AVL9: variants seen among roughly 807,000 people sequenced by gnomAD.
The protein encoded by AVL9 is AVL9 cell migration associated.
Under a neutral mutation model 79.2 loss-of-function variants are expected in AVL9, and 49 were observed. The ratio of observed to expected loss-of-function variants is 0.62; its 90% CI spans 0.49 to 0.79. AVL9 has a LOEUF of 0.79. AVL9 is among the 30% of genes least tolerant of loss of function. The pLI, the probability that AVL9 is intolerant of heterozygous loss-of-function variation, is 0.00. For missense variants in AVL9, 682 were observed against 776.8 expected, an observed-to-expected ratio of 0.88 and a Z score of 1.45; for synonymous variants, 299 against 280.6, an observed-to-expected ratio of 1.07 and a Z score of -0.65.
chr7:32,538,773 G>A (rs946479650), intron 1 of AVL9: 5 of 152,170 alleles, frequency 3.3e-5, no homozygotes, highest in African/African-American at 1.2e-4. Flanking sequence ...CCAGTCAAGG[G>A]ATTTTGTCCA....
chr7:32,576,392 A>G (rs1161980855), intron 13 of AVL9, among the ~76,000 whole-genome samples: 3 of 152,246 alleles, frequency 2.0e-5, no homozygotes, highest in Admixed American at 6.5e-5. Flanking sequence ...GTTCTTTAAC[A>G]GAATGGTTCA....
Position 32,503,280 on chromosome 7 carries a change from A to G in AVL9, c.93+7478A>G, listed in dbSNP as rs550628565. Among the ~76,000 whole-genome samples the G allele has an allele frequency of 2.7e-5, 4 of 149,860 alleles. No individual in the cohort carries two copies. The South Asian group carries it at 8.6e-4, about 32-fold the overall frequency. ...CACTTGAGGCCCGGAGTTCGAGCCC[A>G]GCCTGGCCAACATGGTGAAACCCCC... is the stretch of plus-strand genomic sequence containing the variant. On this transcript the variant is annotated intron_variant, in intron 1 of 15. Transcript: ENST00000318709.
rs1312308135 is a variant in AVL9 at position 32,564,960 on chromosome 7, A to G, written c.1216-5060A>G. Among the ~76,000 whole-genome samples, 4 of 152,328 alleles carry G rather than the reference A, an allele frequency of 2.6e-5. No homozygotes were observed. The East Asian group carries it at 7.7e-4, about 29-fold the overall frequency. On this transcript the variant is annotated intron_variant, in intron 10 of 15. Coordinates refer to ENST00000318709, the MANE Select transcript of AVL9 (RefSeq NM_015060.3). ...TGAAGTGGAATGAGGGAAGTGGAAA[A>G]AAAGATAACGAGGAAGATACAGTAG...
chr7:32,551,907 C>T (rs1189205223), intron 5 of AVL9, among the ~76,000 whole-genome samples: 4 of 151,990 alleles, frequency 2.6e-5, no homozygotes, highest in African/African-American at 9.7e-5. Flanking sequence ...CATCTAGGGA[C>T]TTAGCAAGGG....
chr7:32,580,939 T>C (rs1259914209), intron 15 of AVL9, 49 bp downstream of exon 15: 1 of 1,313,302 alleles, frequency 7.6e-7, no homozygotes, highest in South Asian at 1.2e-5. Flanking sequence ...AACACATCCA[T>C]TTTCTATCTT....
intron 1 of AVL9, among the ~76,000 whole-genome samples, chr7:32,503,088 G>GT (rs1787211970): frequency 6.6e-6 from 1 of 151,788 alleles, no homozygotes; most frequent in South Asian, 2.1e-4. Flanking sequence ...GCTGATAGAT[G>GT]TTTTTTTCAT....
chr7:32,516,606 G>T (rs191781409), intron 1 of AVL9, among the ~76,000 whole-genome samples: 3 of 152,008 alleles, frequency 2.0e-5, no homozygotes, highest in African/African-American at 7.3e-5. Context: ...GTTTTAAAAG[G>T]CTTGTCCAAG....
intron 1 of AVL9, among the ~76,000 whole-genome samples, chr7:32,507,509 T>C (rs779489396): frequency 6.6e-6 from 1 of 152,240 alleles, no homozygotes; most frequent in Non-Finnish European, 1.5e-5. Context: ...ATATTATGTG[T>C]GCTTTTGTGT....
At chr7:32,525,411 G>C (rs1583517979) in intron 1 of AVL9, among the ~76,000 whole-genome samples, 1 of 152,192 alleles carries the variant, frequency 6.6e-6, no homozygotes, top group Non-Finnish European at 1.5e-5. Flanking sequence ...TATAGTCAAT[G>C]AATTCTTGCT....
At position 32,584,012 on chromosome 7, in the gene AVL9, T is replaced by C. The variant is rs755488445; in HGVS notation, c.*105T>C. On this transcript the variant is annotated 3_prime_UTR_variant, in exon 16 of 16. Coordinates refer to ENST00000318709, the MANE Select transcript of AVL9 (RefSeq NM_015060.3). Reference sequence around the variant, plus strand: ...CACAGATCCACAGCAGGGGACCATATGTCGAACTGTTTACATGGATGTTGC... The same window carrying C: ...CACAGATCCACAGCAGGGGACCATACGTCGAACTGTTTACATGGATGTTGC... The C allele has an allele frequency of 3.8e-6, 3 of 796,530 alleles. No homozygotes were observed. Among genetic ancestry groups the C allele is most frequent in the Non-Finnish European group, 6.6e-6 (3 of 452,350 alleles). The allele number at this position is 796,530 out of a possible 1,614,324, so 49.3% of individuals were successfully genotyped here. A position where few individuals can be genotyped will look rare whatever the true frequency, so the allele number is the denominator to read the frequency against.
intron 10 of AVL9, among the ~76,000 whole-genome samples, chr7:32,568,531 C>T (rs1188288691): frequency 6.6e-6 from 1 of 152,156 alleles, no homozygotes; most frequent in Non-Finnish European, 1.5e-5. Context: ...AATATCATCA[C>T]TGTTTATGGC....
chr7:32,548,433 C>A (rs569143398), intron 3 of AVL9, among the ~76,000 whole-genome samples: 1 of 152,288 alleles, frequency 6.6e-6, no homozygotes, highest in South Asian at 2.1e-4. Flanking sequence ...CAGGCTTGAG[C>A]CATTGCTCTT....
At chr7:32,552,523 C>CT (rs1372004580) in intron 6 of AVL9, among the ~76,000 whole-genome samples, 4,693 of 143,144 alleles carry the variant, frequency 0.033, 220 homozygotes, top group African/African-American at 0.11. Context: ...GAATTTCTGC[C>CT]TTTTTTTTTT....
intron 6 of AVL9, among the ~76,000 whole-genome samples, chr7:32,553,326 TTA>T (rs1335287102): frequency 6.6e-6 from 1 of 152,208 alleles, no homozygotes; most frequent in African/African-American, 2.4e-5. Context: ...CTTGTGTAGT[TTA>T]TGTTTATAGA....
At position 32,585,285 on chromosome 7, in the gene AVL9, AAAGT is replaced by A. The variant is rs1791726765; in HGVS notation, c.*1382_*1385del. 6.6e-6 allele frequency: 1 copy of A among 152,230 alleles called. No individual in the cohort carries two copies. Among genetic ancestry groups the A allele is most frequent in the Non-Finnish European group, 1.5e-5 (1 of 68,042 alleles). 9.4% of individuals were successfully genotyped at this position (152,230 alleles called of 1,614,324 possible). ...AATCTCATCTTAGTTTATATTCAGCAAAGTAAGAGGCAAGAGAAGAAAACTGCAG... is the reference window on the plus strand; with the variant it reads ...AATCTCATCTTAGTTTATATTCAGCAAAGAGGCAAGAGAAGAAAACTGCAG... On this transcript the variant is annotated 3_prime_UTR_variant, in exon 16 of 16. Coordinates refer to ENST00000318709, the MANE Select transcript of AVL9 (RefSeq NM_015060.3).
At chr7:32,580,723 G>GTC in intron 14 of AVL9, 79 bp from the exon 15 acceptor site, 1 of 895,998 alleles carries the variant, frequency 1.1e-6, no homozygotes, top group Non-Finnish European at 1.8e-6. Context: ...TTGTGTGTGT[G>GTC]TCTATATGTG....
intron 3 of AVL9, among the ~76,000 whole-genome samples, chr7:32,548,047 C>T (rs1789604026): frequency 6.6e-6 from 1 of 152,146 alleles, no homozygotes; most frequent in South Asian, 2.1e-4. Context: ...GTGCTGGGCG[C>T]CAATACAAGT....
rs996176119 is a variant in AVL9, at chr7:32,586,988, AC to A, written c.*3087del. 11 of 152,218 alleles carry A rather than the reference AC, an allele frequency of 7.2e-5. No individual in the cohort carries two copies. The South Asian group carries it at 1.9e-3, about 26-fold the overall frequency. The allele number at this position is 152,218 out of a possible 1,614,324, so 9.4% of individuals were successfully genotyped here. A position where few individuals can be genotyped will look rare whatever the true frequency, so the allele number is the denominator to read the frequency against. On this transcript the variant is annotated 3_prime_UTR_variant, in exon 16 of 16. Transcript: ENST00000318709. ...TCCCCAAATCCATTAGTGATTCACT[AC>A]CCCCCGCCAAGCACAGCCCTAAAAC...
chr7:32,517,154 G>A (rs951000388), intron 1 of AVL9, among the ~76,000 whole-genome samples: 2 of 151,868 alleles, frequency 1.3e-5, no homozygotes, highest in African/African-American at 2.4e-5. Context: ...TTTGTGTGAG[G>A]GTGTATGTGT....
Sources: allele counts gnomAD v4.1 joint callset (sites outside exome capture counted in the v4.1 genomes callset), GRCh38; gene constraint gnomAD v4.1.1; transcripts MANE v1.5; gene names NCBI Gene and HGNC (gene_info 2026-07-23, HGNC 2026-07-21).